Variants in ELP2 observed in about 807,000 individuals in gnomAD.
The protein encoded by ELP2 is elongator complex protein 2.
ELP2 carries 90 observed loss-of-function variants against 119.2 expected under a neutral mutation model. The ratio of observed to expected loss-of-function variants is 0.75; its 90% CI spans 0.64 to 0.90. ELP2 has a LOEUF of 0.90. ELP2 is among the 40% of genes least tolerant of loss of function. The pLI, the probability that ELP2 is intolerant of heterozygous loss-of-function variation, is 0.00. For missense variants in ELP2, 921 were observed against 967.8 expected (o/e 0.95, Z 0.64); for synonymous variants, 339 against 331.0 (o/e 1.02, Z -0.26).
At chr18:36,137,401 C>A (rs1625385) in intron 3 of ELP2, among the ~76,000 whole-genome samples, 54,648 of 151,958 alleles carry the variant, frequency 0.36, 9,929 homozygotes, top group Middle Eastern at 0.44. Flanking sequence ...GTGTACAGAC[C>A]CTTATACATG....
intron 8 of ELP2, 64 bp downstream of exon 8, chr18:36,143,030 T>C: frequency 8.6e-7 from 1 of 1,165,558 alleles, no homozygotes; most frequent in Non-Finnish European, 1.3e-6. Flanking sequence ...TGATTTTTTT[T>C]TCACCACCCA....
intron 5 of ELP2, among the ~76,000 whole-genome samples, 168 bp downstream of exon 5, chr18:36,139,040 G>A (rs1420174359): frequency 6.6e-6 from 1 of 152,168 alleles, no homozygotes; most frequent in Non-Finnish European, 1.5e-5. Context: ...TCTGAGTATA[G>A]AACATAAAGT....
chr18:36,145,881 T>C (rs768080178), intron 9 of ELP2, 67 bp from the exon 10 acceptor site: 3 of 1,377,232 alleles, frequency 2.2e-6, no homozygotes, highest in Non-Finnish European at 3.1e-6. Context: ...TGTTTGTTGT[T>C]TTTTTCTGGT....
At chr18:36,156,783 G>A in intron 13 of ELP2, 129 bp downstream of exon 13, 1 of 921,016 alleles carries the variant, frequency 1.1e-6, no homozygotes, top group Non-Finnish European at 1.7e-6. Context: ...AATGTAAGAT[G>A]TGACAAAGTT....
At chr18:36,157,067 T>G (rs916957517) in intron 13 of ELP2, among the ~76,000 whole-genome samples, 1 of 152,198 alleles carries the variant, frequency 6.6e-6, no homozygotes, top group East Asian at 1.9e-4. Context: ...TGCTAAATCT[T>G]ATGGTACTAA....
intron 17 of ELP2, among the ~76,000 whole-genome samples, chr18:36,163,621 ACT>A (rs927693489): frequency 2.6e-5 from 4 of 151,110 alleles, no homozygotes; most frequent in Non-Finnish European, 5.9e-5. Context: ...TTTCAAATTA[ACT>A]CTTGTATTTG....
chr18:36,154,799 G>T (rs773431159), intron 11 of ELP2, 51 bp from the exon 12 acceptor site: 2 of 1,608,264 alleles, frequency 1.2e-6, no homozygotes. Context: ...GCTTTACTTT[G>T]GTGGTAGTCT....
At chr18:36,153,304 T>C (rs1035551169) in intron 11 of ELP2, among the ~76,000 whole-genome samples, 2 of 152,216 alleles carry the variant, frequency 1.3e-5, no homozygotes, top group Non-Finnish European at 2.9e-5. Context: ...CTTCATACCA[T>C]TGGTGAGCAC....
chr18:36,165,635 A>C (rs1355994708), intron 18 of ELP2, among the ~76,000 whole-genome samples: 1 of 152,218 alleles, frequency 6.6e-6, no homozygotes, highest in Non-Finnish European at 1.5e-5. Flanking sequence ...TGATCCCAGC[A>C]CTTTGGGAGG....
intron 20 of ELP2, chr18:36,170,759 C>G: frequency 2.1e-6 from 1 of 473,584 alleles, no homozygotes; most frequent in Non-Finnish European, 3.8e-6. Flanking sequence ...AATACTTTCT[C>G]TGTAACAAGC....
At chr18:36,163,989 T>A (rs2090818558) in intron 17 of ELP2, among the ~76,000 whole-genome samples, 1 of 152,208 alleles carries the variant, frequency 6.6e-6, no homozygotes, top group African/African-American at 2.4e-5. Context: ...ATTCTCTAGA[T>A]CAATTTGGGG....
intron 8 of ELP2, among the ~76,000 whole-genome samples, chr18:36,144,548 A>G (rs2090137931): frequency 6.6e-6 from 1 of 152,196 alleles, no homozygotes; most frequent in Non-Finnish European, 1.5e-5. Context: ...AGGTGAGGAC[A>G]CAGAGCCAAA....
chr18:36,163,675 T>C (rs893454420), intron 17 of ELP2, among the ~76,000 whole-genome samples: 1 of 152,178 alleles, frequency 6.6e-6, no homozygotes, highest in Non-Finnish European at 1.5e-5. Context: ...TTATTGTAGA[T>C]ACCAGTTTCA....
rs1016279941 is a variant in ELP2 at position 36,138,255 on chromosome 18, T to C, written c.289-15T>C. 16 of 1,613,904 alleles carry C rather than the reference T, an allele frequency of 9.9e-6. No individual in the cohort carries two copies. Among genetic ancestry groups the C allele is most frequent in the Admixed American group, 1.7e-5 (1 of 60,004 alleles). Reference sequence around the variant, plus strand: ...CCTTTTTTTCACAATGCTTCTGTCATTCTTTCTGATTCAGCTTTTAAAAGC... The same window carrying C: ...CCTTTTTTTCACAATGCTTCTGTCACTCTTTCTGATTCAGCTTTTAAAAGC... On this transcript the variant is annotated splice_polypyrimidine_tract_variant and intron_variant, in intron 3 of 21. Coordinates refer to ENST00000358232, the MANE Select transcript of ELP2 (RefSeq NM_018255.4).
At chr18:36,135,461 CAG>C (rs1417876125) in intron 2 of ELP2, among the ~76,000 whole-genome samples, 15 of 152,258 alleles carry the variant, frequency 9.9e-5, no homozygotes, top group Admixed American at 4.6e-4. Context: ...TGGCTGGCAG[CAG>C]AGTTAGGACA....
chr18:36,161,323 G>A (rs1357291959), intron 17 of ELP2, among the ~76,000 whole-genome samples: 1 of 152,130 alleles, frequency 6.6e-6, no homozygotes, highest in Non-Finnish European at 1.5e-5. Context: ...AACCCCAGAG[G>A]TGGAAGTTGC....
At chr18:36,130,548 AT>A (rs1408513305) in intron 1 of ELP2, among the ~76,000 whole-genome samples, 1 of 152,194 alleles carries the variant, frequency 6.6e-6, no homozygotes, top group Non-Finnish European at 1.5e-5. Context: ...GGGAATGGAC[AT>A]TTTAGAGAAA....
intron 18 of ELP2, among the ~76,000 whole-genome samples, chr18:36,166,623 A>G (rs2090917463): frequency 6.6e-6 from 1 of 152,146 alleles, no homozygotes; most frequent in South Asian, 2.1e-4. Flanking sequence ...GTGAGCCACC[A>G]TGCCTTGCCA....
At chr18:36,149,804 C>T (rs1165201818) in intron 11 of ELP2, among the ~76,000 whole-genome samples, 3 of 151,974 alleles carry the variant, frequency 2.0e-5, no homozygotes, top group Non-Finnish European at 4.4e-5. Context: ...GGTGTGTAAG[C>T]CAGCCCTTCA....
Sources: allele counts gnomAD v4.1 joint callset (sites outside exome capture counted in the v4.1 genomes callset), GRCh38; gene constraint gnomAD v4.1.1; transcripts MANE v1.5; gene names NCBI Gene and HGNC (gene_info 2026-07-23, HGNC 2026-07-21).